The following ARHGEF3 variants were observed in gnomAD, a reference collection of about 807,000 sequenced individuals.
ARHGEF3 encodes the protein 59.8 kDA protein.
Under a neutral mutation model 63.2 loss-of-function variants are expected in ARHGEF3, and 28 were observed. That is an observed-to-expected ratio of 0.44 (90% confidence interval 0.33 to 0.61). The LOEUF is 0.61. ARHGEF3 is among the 20% of genes least tolerant of loss of function. The probability of loss-of-function intolerance (pLI) is 0.03; values close to 1 mark genes in which losing one functional copy is unlikely to be tolerated. For missense variants in ARHGEF3, 533 were observed against 659.3 expected, an observed-to-expected ratio of 0.81 and a Z score of 2.10; for synonymous variants, 266 against 254.2, an observed-to-expected ratio of 1.05 and a Z score of -0.44.
intron 4 of ARHGEF3, among the ~76,000 whole-genome samples, chr3:56,875,709 G>A (rs149989292): frequency 2.6e-5 from 4 of 152,212 alleles, no homozygotes; most frequent in Admixed American, 6.5e-5. Flanking sequence ...ACATTTATCT[G>A]TCCCTTTCTT....
At chr3:56,899,003 G>A (rs1322416375) in intron 3 of ARHGEF3, among the ~76,000 whole-genome samples, 1 of 152,190 alleles carries the variant, frequency 6.6e-6, no homozygotes, top group Non-Finnish European at 1.5e-5. Context: ...GCAGTGATCC[G>A]AGATTGCACC....
chr3:56,780,085 G>A lies in ARHGEF3; in HGVS notation c.97-6269C>T, dbSNP rs145867311. Reference sequence around the variant, plus strand: ...AAGGAGCACAAATACACAAGATCACGTATTTCAGGTAGAGGCAAAATGTGG... The same window carrying A: ...AAGGAGCACAAATACACAAGATCACATATTTCAGGTAGAGGCAAAATGTGG... On this transcript the variant is annotated intron_variant, in intron 1 of 9. Coordinates refer to ENST00000296315, the MANE Select transcript of ARHGEF3 (RefSeq NM_019555.3). Among the ~76,000 whole-genome samples, 15 of 152,322 alleles carry A rather than the reference G, an allele frequency of 9.8e-5. No individual in the cohort carries two copies. The East Asian group carries it at 2.9e-3, about 29-fold the overall frequency.
chr3:56,865,723 A>G (rs1056364677), intron 4 of ARHGEF3, among the ~76,000 whole-genome samples: 1 of 152,114 alleles, frequency 6.6e-6, no homozygotes, highest in African/African-American at 2.4e-5. Context: ...CCCTTAATGT[A>G]ATGGTATTGG....
chr3:56,975,321 G>A (rs867051727), intron 2 of ARHGEF3, among the ~76,000 whole-genome samples: 1 of 152,200 alleles, frequency 6.6e-6, no homozygotes, highest in Middle Eastern at 3.4e-3. Flanking sequence ...GGGAGGCTGA[G>A]GCAGGGGAAT....
chr3:56,788,595 G>T (rs1462523488), intron 1 of ARHGEF3, among the ~76,000 whole-genome samples: 2 of 152,144 alleles, frequency 1.3e-5, no homozygotes, highest in South Asian at 2.1e-4. Flanking sequence ...AATGAATAGG[G>T]CATGAAGAGC....
At chr3:56,797,722 G>A (rs1372441555) in intron 1 of ARHGEF3, among the ~76,000 whole-genome samples, 3 of 152,188 alleles carry the variant, frequency 2.0e-5, no homozygotes, top group Admixed American at 1.3e-4. Flanking sequence ...ATCGTGGCAG[G>A]AGCATAGGGT....
chr3:56,972,694 G>T (rs966521434), intron 2 of ARHGEF3, among the ~76,000 whole-genome samples: 1 of 152,012 alleles, frequency 6.6e-6, no homozygotes, highest in South Asian at 2.1e-4. Context: ...GGCTGGAGTG[G>T]GGTAAGCAGT....
intron 4 of ARHGEF3, among the ~76,000 whole-genome samples, chr3:56,822,739 G>C (rs1416012498): frequency 2.0e-5 from 3 of 151,580 alleles, no homozygotes; most frequent in African/African-American, 4.9e-5. Context: ...TGTAATCCCA[G>C]CTACTCCAGA....
At chr3:57,025,394 A>G (rs2107180971) in intron 2 of ARHGEF3, among the ~76,000 whole-genome samples, 1 of 152,310 alleles carries the variant, frequency 6.6e-6, no homozygotes, top group South Asian at 2.1e-4. Context: ...CGCTCACTTC[A>G]GAGATGAGGA....
At chr3:56,920,487 G>A (rs1462700859) in intron 3 of ARHGEF3, among the ~76,000 whole-genome samples, 2 of 152,112 alleles carry the variant, frequency 1.3e-5, no homozygotes, top group Admixed American at 6.5e-5. Flanking sequence ...GAACATACTC[G>A]TCAGGGTTGT....
At chr3:56,873,223 GTT>G (rs34822100) in intron 4 of ARHGEF3, among the ~76,000 whole-genome samples, 2 of 147,246 alleles carry the variant, frequency 1.4e-5, no homozygotes, top group African/African-American at 2.5e-5. Context: ...TGCTATGTTT[GTT>G]TTTTTTTTTT....
intron 8 of ARHGEF3, among the ~76,000 whole-genome samples, chr3:56,734,903 T>C (rs1025322159): frequency 1.3e-5 from 2 of 152,194 alleles, no homozygotes; most frequent in Non-Finnish European, 2.9e-5. Context: ...TAATGTACAG[T>C]ATTTGGAATA....
At chr3:56,955,501 C>G (rs1451569036) in intron 3 of ARHGEF3, among the ~76,000 whole-genome samples, 2 of 152,202 alleles carry the variant, frequency 1.3e-5, no homozygotes, top group African/African-American at 4.8e-5. Context: ...CTGCGCCCGG[C>G]CTGGATCCCT....
At chr3:56,992,029 T>TCC (rs1701769857) in intron 2 of ARHGEF3, among the ~76,000 whole-genome samples, 1 of 123,678 alleles carries the variant, frequency 8.1e-6, no homozygotes, top group Non-Finnish European at 1.6e-5. Flanking sequence ...TCTCTCTGTG[T>TCC]GTGTGTGTGT....
At chr3:56,966,843 T>A (rs1456413926) in intron 2 of ARHGEF3, among the ~76,000 whole-genome samples, 1 of 149,046 alleles carries the variant, frequency 6.7e-6, no homozygotes, top group African/African-American at 2.4e-5. Flanking sequence ...CAGCCTTTTT[T>A]TTTTTAATTA....
intron 2 of ARHGEF3, among the ~76,000 whole-genome samples, chr3:56,960,285 G>A (rs1239485664): frequency 1.3e-5 from 2 of 152,164 alleles, no homozygotes; most frequent in Non-Finnish European, 2.9e-5. Context: ...CCATTTTATA[G>A]ATAAGAGCAC....
At chr3:57,022,130 C>T (rs1703284805) in intron 2 of ARHGEF3, among the ~76,000 whole-genome samples, 1 of 151,972 alleles carries the variant, frequency 6.6e-6, no homozygotes, top group South Asian at 2.1e-4. Context: ...AAAATTTAGC[C>T]GGGCACGGTG....
At chr3:56,737,116 A>G (rs2033675194) in intron 8 of ARHGEF3, 69 bp downstream of exon 8, 14 of 1,415,084 alleles carry the variant, frequency 9.9e-6, no homozygotes, top group South Asian at 4.5e-5. Flanking sequence ...TTCTAAGAGG[A>G]GGCTCCACAC....
intron 2 of ARHGEF3, among the ~76,000 whole-genome samples, chr3:57,001,002 C>T (rs758111277): frequency 2.0e-5 from 3 of 151,988 alleles, no homozygotes; most frequent in African/African-American, 4.8e-5. Flanking sequence ...TGCAGTGGCA[C>T]TATCATAAGT....
Sources: gnomAD v4.1 joint callset for allele counts (sites outside exome capture counted in the v4.1 genomes callset) on GRCh38, gnomAD v4.1.1 for gene constraint, MANE v1.5 for transcripts, NCBI Gene and HGNC (gene_info 2026-07-23, HGNC 2026-07-21) for gene names.